Variants in NTAQ1 observed in about 807,000 individuals in gnomAD.
The protein encoded by NTAQ1 is N-terminal glutamine amidase 1.
NTAQ1 carries 21 observed loss-of-function variants against 28.2 expected under a neutral mutation model. The ratio of observed to expected loss-of-function variants is 0.74; its 90% CI spans 0.53 to 1.07. NTAQ1 has a LOEUF of 1.07. NTAQ1 is among the 50% of genes least tolerant of loss of function. The pLI is 0.00. For missense variants in NTAQ1, 264 were observed against 256.6 expected (o/e 1.03, Z -0.20); for synonymous variants, 105 against 90.0 (o/e 1.17, Z -0.94).
chr8:123,421,549 C>T (rs1232170645), intron 1 of NTAQ1, among the ~76,000 whole-genome samples: 3 of 142,074 alleles, frequency 2.1e-5, no homozygotes, highest in African/African-American at 7.8e-5. Context: ...TACTCTGTTG[C>T]CCAGGGTGGA....
chr8:123,429,304 A>G (rs1382932341), intron 2 of NTAQ1, among the ~76,000 whole-genome samples: 1 of 152,174 alleles, frequency 6.6e-6, no homozygotes, highest in African/African-American at 2.4e-5. Context: ...GAGAGCTTTC[A>G]TTGTTGGGGA....
At chr8:123,434,481 G>T (rs1814582710) in intron 3 of NTAQ1, among the ~76,000 whole-genome samples, 1 of 152,078 alleles carries the variant, frequency 6.6e-6, no homozygotes, top group South Asian at 2.1e-4. Flanking sequence ...ACAAAAATTA[G>T]CTGGGTGTGG....
chr8:123,416,801 G>C lies in NTAQ1; in HGVS notation c.-49G>C. The C allele has an allele frequency of 6.7e-7, 1 of 1,500,532 alleles. No individual in the cohort carries two copies. The allele number at this position is 1,500,532 out of a possible 1,614,324, so 93.0% of individuals were successfully genotyped here. The stretch of plus-strand genomic sequence containing the variant: ...TACAAGCCCGCCCTTTCCTACGTCT[G>C]GTCCAGTCGGTCTTCCTCCGGCCCG... On this transcript the variant is annotated 5_prime_UTR_variant, in exon 1 of 6. Coordinates refer to ENST00000287387, the MANE Select transcript of NTAQ1 (RefSeq NM_018024.3).
intron 6 of NTAQ1, among the ~76,000 whole-genome samples, chr8:123,447,692 T>C (rs1385537072): frequency 6.6e-6 from 1 of 152,244 alleles, no homozygotes; most frequent in African/African-American, 2.4e-5. Context: ...GTAACCACCA[T>C]CCTGCTTTCT....
At chr8:123,452,236 C>T (rs1815518925), downstream of NTAQ1, among the ~76,000 whole-genome samples, 1 of 152,200 alleles carries the variant, frequency 6.6e-6, no homozygotes, top group African/African-American at 2.4e-5. Flanking sequence ...CCCTGGCAGT[C>T]CAGGGAGAAT....
At position 123,419,735 on chromosome 8, in the gene NTAQ1, C is replaced by CCTCCCTCCCTCCCTCT. The variant is rs1381608836; in HGVS notation, c.83+2818_83+2819insTCTCCCTCCCTCCCTC. Among the ~76,000 whole-genome samples the CCTCCCTCCCTCCCTCT allele has an allele frequency of 1.1e-4, 7 of 63,542 alleles. 1 individual carries two copies. The highest frequency in any genetic ancestry group is 1.7e-3 in the East Asian group (1 of 586). 41.7% of individuals were successfully genotyped at this position (63,542 alleles called of 152,430 possible). A position where few individuals can be genotyped will look rare whatever the true frequency, so the allele number is the denominator to read the frequency against. ...TGACAGCTTGGGGCAAATCCACAGCCCTCCCTCCCTCCCTCCCTCCCTTCC... is the reference window on the plus strand; with the variant it reads ...TGACAGCTTGGGGCAAATCCACAGCCCTCCCTCCCTCCCTCTCTCCCTCCCTCCCTCCCTCCCTTCC... On this transcript the variant is annotated intron_variant, in intron 1 of 5. Transcript: ENST00000287387.
chr8:123,436,949 C>G (rs902857247), intron 4 of NTAQ1, among the ~76,000 whole-genome samples: 2 of 152,152 alleles, frequency 1.3e-5, no homozygotes, highest in Non-Finnish European at 2.9e-5. Context: ...ATCAGAAAAT[C>G]ATGCCCATTG....
chr8:123,437,181 A>C, intron 4 of NTAQ1, 29 bp from the exon 5 acceptor site: 3 of 1,612,496 alleles, frequency 1.9e-6, no homozygotes, highest in Non-Finnish European at 2.5e-6. Flanking sequence ...ACATCTCCCT[A>C]ATGTGAGTGT....
At chr8:123,464,320 A>G (rs779398410) in intron 6 of NTAQ1, among the ~76,000 whole-genome samples, 15 of 152,188 alleles carry the variant, frequency 9.9e-5, no homozygotes, top group Non-Finnish European at 1.9e-4. Context: ...AGCAATTTTC[A>G]GAGAGACTTG....
At chr8:123,430,873 G>T (rs553729460) in intron 3 of NTAQ1, among the ~76,000 whole-genome samples, 7 of 152,252 alleles carry the variant, frequency 4.6e-5, no homozygotes, top group African/African-American at 1.4e-4. Flanking sequence ...AACATGACTG[G>T]CATTTGAAAA....
At chr8:123,465,861 G>A (rs1007541888) in intron 6 of NTAQ1, among the ~76,000 whole-genome samples, 30 of 152,200 alleles carry the variant, frequency 2.0e-4, no homozygotes, top group Admixed American at 5.9e-4. Flanking sequence ...GGGATTACAG[G>A]TGTGAGCCAC....
chr8:123,474,447 T>C (rs376604043), downstream of NTAQ1, among the ~76,000 whole-genome samples: 1 of 152,200 alleles, frequency 6.6e-6, no homozygotes, highest in African/African-American at 2.4e-5. Context: ...TAATGTTGTG[T>C]CCTTTCTCAT....
chr8:123,455,669 C>T (rs966504693), intron 6 of NTAQ1, among the ~76,000 whole-genome samples: 7 of 152,040 alleles, frequency 4.6e-5, no homozygotes, highest in African/African-American at 1.7e-4. Flanking sequence ...AGGCAATCCA[C>T]CCTCCTTGGC....
downstream of NTAQ1, among the ~76,000 whole-genome samples, chr8:123,446,547 T>G (rs1477963432): frequency 8.0e-6 from 1 of 125,128 alleles, no homozygotes; most frequent in Non-Finnish European, 1.7e-5. Flanking sequence ...GGAGAGCTTT[T>G]TCCTTCTTTC....
intron 5 of NTAQ1, chr8:123,438,276 C>A: frequency 2.9e-6 from 2 of 681,908 alleles, no homozygotes; most frequent in South Asian, 3.1e-5. Flanking sequence ...GGGGTGAGAT[C>A]ATCCCAACAC....
downstream of NTAQ1, among the ~76,000 whole-genome samples, chr8:123,452,238 A>G (rs866463078): frequency 4.4e-4 from 67 of 152,334 alleles, 1 homozygote; most frequent in African/African-American, 1.6e-3. Flanking sequence ...CTGGCAGTCC[A>G]GGGAGAATGT....
intron 1 of NTAQ1, among the ~76,000 whole-genome samples, chr8:123,422,717 C>T (rs1378451476): frequency 6.6e-6 from 1 of 151,478 alleles, no homozygotes; most frequent in African/African-American, 2.4e-5. Flanking sequence ...AAATCTTTGC[C>T]AGGGCCTATG....
intron 6 of NTAQ1, among the ~76,000 whole-genome samples, chr8:123,454,377 G>GTTTTT (rs573741229): frequency 2.0e-5 from 3 of 151,726 alleles, no homozygotes; most frequent in African/African-American, 4.8e-5. Flanking sequence ...GTTTTGTTTT[G>GTTTTT]TTTTTTTTGA....
At chr8:123,434,217 GTTCCCATTCACTTCTC>G (rs1814566562) in intron 3 of NTAQ1, among the ~76,000 whole-genome samples, 59 of 152,164 alleles carry the variant, frequency 3.9e-4, no homozygotes, top group African/African-American at 1.4e-3. Context: ...AGTTTACCTG[GTTCCCATTCACTTCTC>G]TGGGAACTTC....
Sources: allele counts gnomAD v4.1 joint callset (sites outside exome capture counted in the v4.1 genomes callset), GRCh38; gene constraint gnomAD v4.1.1; transcripts MANE v1.5; gene names NCBI Gene and HGNC (gene_info 2026-07-23, HGNC 2026-07-21).